The following TRIM15 variants were observed in gnomAD, a reference collection of about 807,000 sequenced individuals.
TRIM15 encodes E3 ubiquitin-protein ligase TRIM15.
A neutral mutation model predicts 35.8 loss-of-function variants in TRIM15; 35 were observed. The observed-to-expected ratio is 0.98, with a 90% CI of 0.75 to 1.30. TRIM15 has a LOEUF of 1.30. Among genes scored for constraint, TRIM15 ranks in the 50% most tolerant of loss-of-function variants. The pLI is 0.00. For missense variants in TRIM15, 590 were observed against 593.5 expected (o/e 0.99, Z 0.06); for synonymous variants, 252 against 249.8 (o/e 1.01, Z -0.08).
intron 6 of TRIM15, 89 bp from the exon 7 acceptor site, chr6:30,171,743 T>A: frequency 7.0e-7 from 1 of 1,428,740 alleles, no homozygotes; most frequent in Non-Finnish European, 9.2e-7. Context: ...CCAAGTCCAG[T>A]ACTCCTTCTG....
chr6:30,165,231 C>T (rs545782442), intron 1 of TRIM15, among the ~76,000 whole-genome samples: 207 of 152,096 alleles, frequency 1.4e-3, no homozygotes, highest in Non-Finnish European at 2.4e-3. Flanking sequence ...TTAGGTATTT[C>T]TCCTAATGCT....
intron 1 of TRIM15, among the ~76,000 whole-genome samples, chr6:30,166,604 T>C (rs1246282998): frequency 6.6e-6 from 1 of 151,498 alleles, no homozygotes; most frequent in Admixed American, 6.6e-5. Flanking sequence ...ATTGGTTCCA[T>C]ATGAAATATA....
intron 1 of TRIM15, among the ~76,000 whole-genome samples, chr6:30,166,180 T>C (rs1293452040): frequency 6.6e-6 from 1 of 152,228 alleles, no homozygotes; most frequent in Non-Finnish European, 1.5e-5. Flanking sequence ...TCTTTGCCCA[T>C]GCCTATGTCC....
In TRIM15 at chr6:30,167,266, C is replaced by T. The variant is rs533220823; in HGVS notation, c.472C>T (p.Leu158=). 8 of 1,612,504 alleles carry T rather than the reference C, an allele frequency of 5.0e-6. No homozygotes were observed. The Admixed American group carries it at 1.3e-4, about 27-fold the overall frequency. Residue 158 remains leucine (L), a synonymous_variant, in exon 2 of 7, where the codon CTG becomes TTG. Transcript: ENST00000376694. ...KCQEDQKLQV[L]LTQIESKKHQ... is the part of the protein sequence containing the mutation. ...TCAAGAAGACCAGAAGCTTCAAGTGCTGCTGGTACAGGCCACGTCACTGGC... is the reference window on the plus strand; with the variant it reads ...TCAAGAAGACCAGAAGCTTCAAGTGTTGCTGGTACAGGCCACGTCACTGGC...
rs1051641186 is a variant in TRIM15 at position 30,163,601 on chromosome 6, C to T, written c.-84C>T. 4 of 1,483,158 alleles carry T rather than the reference C, an allele frequency of 2.7e-6. No homozygotes were observed. Among genetic ancestry groups the T allele is most frequent in the Non-Finnish European group, 3.6e-6 (4 of 1,108,122 alleles). The allele number at this position is 1,483,158 out of a possible 1,614,324, so 91.9% of individuals were successfully genotyped here. A position where few individuals can be genotyped will look rare whatever the true frequency, so the allele number is the denominator to read the frequency against. On this transcript the variant is annotated 5_prime_UTR_variant, in exon 1 of 7. Coordinates refer to ENST00000376694, the MANE Select transcript of TRIM15 (RefSeq NM_033229.3). ...CTTGCAGCCGTTTCCCTCTGCGATT[C>T]ATGTAAGTGTGACTCGATTTCAGGG...
At chr6:30,166,318 A>C (rs1375407862) in intron 1 of TRIM15, among the ~76,000 whole-genome samples, 1 of 152,222 alleles carries the variant, frequency 6.6e-6, no homozygotes, top group Non-Finnish European at 1.5e-5. Flanking sequence ...AGTTTTCTGC[A>C]TATGGCTAGC....
rs528613325 is a variant in TRIM15, at chr6:30,167,208, C to T, written c.414C>T (p.Ser138=). The T allele has an allele frequency of 1.2e-5, 20 of 1,612,954 alleles. No homozygotes were observed. The highest frequency in any genetic ancestry group is 1.6e-5 in the Non-Finnish European group (19 of 1,180,020). Residue 138 remains serine (S), a synonymous_variant, in exon 2 of 7, where the codon AGC becomes AGT. Coordinates refer to ENST00000376694, the MANE Select transcript of TRIM15 (RefSeq NM_033229.3). ...DRLRSRLEAL[S]TERDEIEDVK... is the part of the protein sequence containing the mutation. ...TCAGGAGTCGACTGGAAGCTCTGAG[C>T]ACGGAGAGAGATGAGATTGAGGATG...
chr6:30,169,322 G>A, intron 4 of TRIM15, 59 bp downstream of exon 4: 2 of 1,605,432 alleles, frequency 1.2e-6, no homozygotes, highest in Middle Eastern at 1.7e-4. Context: ...GAATGGGAAG[G>A]GGCAGGGGCA....
At chr6:30,170,333 T>C (rs763489696) in intron 4 of TRIM15, 168 bp from the exon 5 acceptor site, 48 of 579,902 alleles carry the variant, frequency 8.3e-5, no homozygotes, top group Non-Finnish European at 1.4e-4. Flanking sequence ...AAATGCCTAC[T>C]ATTTTAGTAA....
rs1444337742 is a variant in TRIM15, at chr6:30,171,022, G to A, written c.880+14G>A. On this transcript the variant is annotated intron_variant, in intron 6 of 6. Transcript: ENST00000376694. ...AAATAGATTCAGGTAAACAGCTTGG[G>A]ATTTGGGGAGTCATTCTTCCATTCA... 3 of 1,609,888 alleles carry A rather than the reference G, an allele frequency of 1.9e-6. No homozygotes were observed. The highest frequency in any genetic ancestry group is 2.7e-5 in the African/African-American group (2 of 74,876).
intron 2 of TRIM15, 150 bp downstream of exon 2, chr6:30,167,421 A>G (rs184969485): frequency 0.015 from 9,429 of 648,544 alleles, 547 homozygotes; most frequent in South Asian, 0.13. Flanking sequence ...GGCATTTGGG[A>G]TCTCAGACCA....
chr6:30,170,971 C>T lies in TRIM15; in HGVS notation c.848-5C>T, dbSNP rs777843235. On this transcript the variant is annotated splice_polypyrimidine_tract_variant and splice_region_variant and intron_variant, in intron 5 of 6. Transcript: ENST00000376694. Reference sequence around the variant, plus strand: ...GATCTCTCTTTCTATTTCTGCTTCCCTCAGAAAACTTGGCGCATCATCTGG... The same window carrying T: ...GATCTCTCTTTCTATTTCTGCTTCCTTCAGAAAACTTGGCGCATCATCTGG... 2.5e-6 allele frequency: 4 copies of T among 1,610,706 alleles called. No individual in the cohort carries two copies. In the African/African-American group the frequency reaches 5.3e-5, roughly 21 times the overall value.
chr6:30,167,272 G>C lies in TRIM15; in HGVS notation c.477+1G>C. ...AGACCAGAAGCTTCAAGTGCTGCTG[G>C]TACAGGCCACGTCACTGGCTACCTT... On this transcript the variant is annotated splice_donor_variant, in intron 2 of 6. Transcript: ENST00000376694. LOFTEE classifies it high-confidence loss of function. The C allele has an allele frequency of 6.2e-7, 1 of 1,611,820 alleles. No homozygotes were observed. The highest frequency in any genetic ancestry group is 8.5e-7 in the Non-Finnish European group (1 of 1,178,880).
Position 30,168,506 on chromosome 6 carries a change from G to A in TRIM15, c.684G>A (p.Gln228=). The A allele has an allele frequency of 4.4e-6, 7 of 1,603,410 alleles. No homozygotes were observed. Among genetic ancestry groups the A allele is most frequent in the Admixed American group, 1.7e-5 (1 of 58,822 alleles). Residue 228 remains glutamine, a synonymous_variant, in exon 3 of 7, where the codon CAG becomes CAA. Transcript: ENST00000376694. ...AQVKELEEKC[Q]QPASELLQDV... Reference sequence around the variant, plus strand: ...TCAAGGAGCTGGAGGAGAAGTGTCAGCAGCCAGCAAGTGAGCTTCTACAAG... The same window carrying A: ...TCAAGGAGCTGGAGGAGAAGTGTCAACAGCCAGCAAGTGAGCTTCTACAAG...
At chr6:30,166,302 A>G (rs1773591130) in intron 1 of TRIM15, among the ~76,000 whole-genome samples, 1 of 152,184 alleles carries the variant, frequency 6.6e-6, no homozygotes, top group South Asian at 2.1e-4. Context: ...GAAGGGGTCC[A>G]GTTTCAGTTT....
chr6:30,166,220 G>A (rs1773584952), intron 1 of TRIM15, among the ~76,000 whole-genome samples: 1 of 152,124 alleles, frequency 6.6e-6, no homozygotes, highest in East Asian at 1.9e-4. Flanking sequence ...TTTCTTCTAG[G>A]GTTTTTATGG....
intron 1 of TRIM15, among the ~76,000 whole-genome samples, chr6:30,166,507 C>A (rs1273562157): frequency 6.6e-6 from 1 of 152,140 alleles, no homozygotes; most frequent in African/African-American, 2.4e-5. Flanking sequence ...TATACTACAG[C>A]CTTGTAGTAT....
chr6:30,168,274 C>A, intron 2 of TRIM15, 26 bp from the exon 3 acceptor site: 1 of 1,599,776 alleles, frequency 6.3e-7, no homozygotes, highest in Non-Finnish European at 8.5e-7. Context: ...CCCTTCCTAA[C>A]CATGTCTGCC....
At position 30,163,696 on chromosome 6, in the gene TRIM15, C is replaced by G. The variant is rs939938100; in HGVS notation, c.12C>G (p.Thr4=). ...GGGAAGGCACCGTGATGCCCGCAAC[C>G]CCGTCCCTGAAGGTGGTCCATGAGC... MPA[T]PSLKVVHELP... Residue 4 remains threonine (T), a synonymous_variant, in exon 1 of 7, where the codon ACC becomes ACG. Coordinates refer to ENST00000376694, the MANE Select transcript of TRIM15 (RefSeq NM_033229.3). The G allele has an allele frequency of 6.2e-7, 1 of 1,607,790 alleles. No individual in the cohort carries two copies. The highest frequency in any genetic ancestry group is 1.3e-5 in the African/African-American group (1 of 74,888).
Sources: gnomAD v4.1 joint callset for allele counts (sites outside exome capture counted in the v4.1 genomes callset) on GRCh38, gnomAD v4.1.1 for gene constraint, MANE v1.5 for transcripts, NCBI Gene and HGNC (gene_info 2026-07-23, HGNC 2026-07-21) for gene names.